Variants in PDE3A observed in about 807,000 individuals in gnomAD.
The protein encoded by PDE3A is cGMP-inhibited 3',5'-cyclic phosphodiesterase 3A.
A neutral mutation model predicts 98.3 loss-of-function variants in PDE3A; 43 were observed. That is an observed-to-expected ratio of 0.44 (90% CI 0.34 to 0.56). The LOEUF is 0.56. Ranked by LOEUF, PDE3A falls within the 20% of genes least tolerant of loss-of-function variation. PDE3A has a pLI of 0.01. For synonymous variants in PDE3A, 663 were observed against 567.9 expected (o/e 1.17, Z -2.38); for missense variants, 1,427 against 1,440.7 (o/e 0.99, Z 0.15).
intron 4 of PDE3A, among the ~76,000 whole-genome samples, chr12:20,618,794 T>C (rs1944068853): frequency 6.6e-6 from 1 of 152,046 alleles, no homozygotes. Flanking sequence ...AAGTTGACCT[T>C]GGAATTGACC....
At chr12:20,600,124 G>A (rs893057946) in intron 2 of PDE3A, among the ~76,000 whole-genome samples, 1 of 152,122 alleles carries the variant, frequency 6.6e-6, no homozygotes, top group African/African-American at 2.4e-5. Context: ...TCTAGCCTCA[G>A]TATACTCCTT....
At chr12:20,471,559 A>C (rs1945440715) in intron 1 of PDE3A, among the ~76,000 whole-genome samples, 1 of 152,130 alleles carries the variant, frequency 6.6e-6, no homozygotes. Context: ...TCAGAGTGCC[A>C]TTGCTATTAT....
intron 1 of PDE3A, among the ~76,000 whole-genome samples, chr12:20,417,122 A>C (rs1007376254): frequency 2.6e-5 from 4 of 152,178 alleles, no homozygotes; most frequent in African/African-American, 9.6e-5. Flanking sequence ...TTGTTAGTCT[A>C]TAAGTTAATA....
At chr12:20,472,330 C>G (rs768426776) in intron 1 of PDE3A, among the ~76,000 whole-genome samples, 1 of 152,110 alleles carries the variant, frequency 6.6e-6, no homozygotes, top group Non-Finnish European at 1.5e-5. Flanking sequence ...AAAATCTCTA[C>G]GGTCTGATAG....
intron 15 of PDE3A, among the ~76,000 whole-genome samples, chr12:20,667,431 A>G (rs1024982941): frequency 3.9e-5 from 6 of 152,150 alleles, no homozygotes; most frequent in African/African-American, 1.2e-4. Flanking sequence ...TCTTTAATCT[A>G]TCTTGAGTTG....
At chr12:20,443,687 C>A (rs1440650604) in intron 1 of PDE3A, among the ~76,000 whole-genome samples, 1 of 152,052 alleles carries the variant, frequency 6.6e-6, no homozygotes, top group Non-Finnish European at 1.5e-5. Context: ...GAGGCATTAG[C>A]ATAAATTAAG....
intron 2 of PDE3A, among the ~76,000 whole-genome samples, chr12:20,584,997 AC>A (rs1565439051): frequency 1.3e-5 from 2 of 152,206 alleles, no homozygotes. Flanking sequence ...ATACGTTAGA[AC>A]TTTTTGCTCA....
At chr12:20,657,667 T>C (rs1265164197) in intron 15 of PDE3A, among the ~76,000 whole-genome samples, 1 of 152,318 alleles carries the variant, frequency 6.6e-6, no homozygotes, top group African/African-American at 2.4e-5. Flanking sequence ...ACAATTTGGC[T>C]CCCAATACAG....
At chr12:20,632,187 T>C (rs550639576) in intron 6 of PDE3A, among the ~76,000 whole-genome samples, 80 of 152,348 alleles carry the variant, frequency 5.3e-4, no homozygotes, top group African/African-American at 1.9e-3. Flanking sequence ...CTTTTTGTCC[T>C]ATCATTTTCT....
At chr12:20,391,056 T>C (rs949411595) in intron 1 of PDE3A, among the ~76,000 whole-genome samples, 5 of 151,902 alleles carry the variant, frequency 3.3e-5, no homozygotes, top group Non-Finnish European at 5.9e-5. Context: ...CAATATACTG[T>C]TGTAACCTTT....
chr12:20,625,972 A>C (rs1944252437), intron 5 of PDE3A, among the ~76,000 whole-genome samples: 1 of 152,156 alleles, frequency 6.6e-6, no homozygotes, highest in South Asian at 2.1e-4. Flanking sequence ...AGTGAAGATA[A>C]ACATTAATAT....
intron 2 of PDE3A, among the ~76,000 whole-genome samples, chr12:20,586,396 C>G (rs1014847177): frequency 2.0e-5 from 3 of 152,186 alleles, no homozygotes; most frequent in Admixed American, 1.3e-4. Flanking sequence ...AGCTATTTCT[C>G]CTAGTGGGAC....
At chr12:20,606,975 T>C (rs1943725512) in intron 2 of PDE3A, among the ~76,000 whole-genome samples, 1 of 152,110 alleles carries the variant, frequency 6.6e-6, no homozygotes, top group Non-Finnish European at 1.5e-5. Flanking sequence ...AGCATCAGAC[T>C]TTCTGGGCCT....
intron 1 of PDE3A, among the ~76,000 whole-genome samples, chr12:20,520,411 C>T (rs183870522): frequency 3.3e-5 from 5 of 152,224 alleles, no homozygotes; most frequent in East Asian, 1.9e-4. Flanking sequence ...TTCCTGAATA[C>T]GCAGTTGCTT....
chr12:20,477,476 A>C (rs1330124204), intron 1 of PDE3A, among the ~76,000 whole-genome samples: 1 of 152,136 alleles, frequency 6.6e-6, no homozygotes, highest in South Asian at 2.1e-4. Context: ...GTTGTTAAAT[A>C]CTTTTTTTTT....
chr12:20,500,916 C>G (rs538508326), intron 1 of PDE3A, among the ~76,000 whole-genome samples: 1 of 151,734 alleles, frequency 6.6e-6, no homozygotes, highest in African/African-American at 2.4e-5. Flanking sequence ...TACAAGTGTG[C>G]GCTACTATGC....
chr12:20,466,861 T>C (rs1018938754), intron 1 of PDE3A, among the ~76,000 whole-genome samples: 1 of 152,184 alleles, frequency 6.6e-6, no homozygotes, highest in Non-Finnish European at 1.5e-5. Context: ...CTCTCATCAA[T>C]TTTTTGTTTG....
chr12:20,668,012 A>C (rs1017610458), intron 15 of PDE3A, among the ~76,000 whole-genome samples: 5 of 152,154 alleles, frequency 3.3e-5, no homozygotes, highest in African/African-American at 1.2e-4. Flanking sequence ...GAGCCAAAGC[A>C]GGGCGAGGCA....
chr12:20,581,610 TCTTTTC>T (rs1225434520), intron 2 of PDE3A, among the ~76,000 whole-genome samples: 4 of 88,592 alleles, frequency 4.5e-5, no homozygotes, highest in Non-Finnish European at 7.8e-5. Flanking sequence ...AGATTTCTTT[TCTTTTC>T]TTTTTTTTTT....
Sources: gnomAD v4.1 joint callset for allele counts (sites outside exome capture counted in the v4.1 genomes callset) on GRCh38, gnomAD v4.1.1 for gene constraint, MANE v1.5 for transcripts, NCBI Gene and HGNC (gene_info 2026-07-23, HGNC 2026-07-21) for gene names.